The following SLA variants were observed in gnomAD, a reference collection of about 807,000 sequenced individuals.
The protein encoded by SLA is src-like-adapter.
In SLA, 16 loss-of-function variants were observed where a neutral mutation model predicts 30.3. The ratio of observed to expected loss-of-function variants is 0.53; its 90% confidence interval spans 0.36 to 0.80. The LOEUF is 0.80. Ranked by LOEUF, SLA falls within the 30% of genes least tolerant of loss-of-function variation. SLA has a pLI of 0.01. For missense variants in SLA, 310 were observed against 345.2 expected (o/e 0.90, Z 0.81); for synonymous variants, 143 against 137.8 (o/e 1.04, Z -0.26).
intron 2 of SLA, among the ~76,000 whole-genome samples, chr8:133,071,756 T>G (rs117836380): frequency 0.01 from 1,535 of 152,228 alleles, 13 homozygotes; most frequent in Non-Finnish European, 0.016. Flanking sequence ...CTTGGTCCCC[T>G]CTCTTCTCTC....
intron 2 of SLA, 120 bp downstream of exon 2, chr8:133,074,733 G>T: frequency 2.3e-6 from 1 of 440,816 alleles, no homozygotes; most frequent in Non-Finnish European, 3.0e-6. Context: ...TCAAGACATT[G>T]CCCCACCTGT....
intron 6 of SLA, among the ~76,000 whole-genome samples, chr8:133,045,939 A>G (rs950858912): frequency 3.9e-5 from 6 of 152,010 alleles, no homozygotes; most frequent in African/African-American, 1.2e-4. Context: ...TCCTTTGTCT[A>G]TACTCTCTCT....
chr8:133,053,733 C>T (rs1840854236), intron 3 of SLA, among the ~76,000 whole-genome samples: 1 of 152,114 alleles, frequency 6.6e-6, no homozygotes, highest in Admixed American at 6.5e-5. Flanking sequence ...AAAGCAAAAT[C>T]CCATTATAAA....
At chr8:133,068,094 T>C (rs1843375725) in intron 2 of SLA, among the ~76,000 whole-genome samples, 1 of 152,148 alleles carries the variant, frequency 6.6e-6, no homozygotes, top group South Asian at 2.1e-4. Flanking sequence ...TGGGGCATCA[T>C]AAAGCATCAC....
rs531027218 is a variant in SLA at position 133,095,063 on chromosome 8, C to T, written c.-319+7490G>A. On this transcript the variant is annotated intron_variant, in intron 1 of 8. Coordinates refer to ENST00000338087, the MANE Select transcript of SLA (RefSeq NM_001045556.3). ...TTCCAGGGAGGCTCCGCACTCTCCC[C>T]GGCCGCCGTCATCAGCCATGAGAGG... The T allele has an allele frequency of 4.2e-5, 68 of 1,613,848 alleles. No individual in the cohort carries two copies. Among genetic ancestry groups the T allele is most frequent in the Admixed American group, 1.8e-4 (11 of 60,022 alleles).
In SLA at chr8:133,044,967, T is replaced by C. The variant is rs770595621; in HGVS notation, c.484+17A>G. On this transcript the variant is annotated intron_variant, in intron 7 of 8. Coordinates refer to ENST00000338087, the MANE Select transcript of SLA (RefSeq NM_001045556.3). ...GGGTCCCACCATCACAATCACTCCA[T>C]ATTGTATGTCTCTTACCAGAATAGT... The C allele has an allele frequency of 1.9e-6, 3 of 1,613,444 alleles. No individual in the cohort carries two copies. The highest frequency in any genetic ancestry group is 2.5e-6 in the Non-Finnish European group (3 of 1,179,512).
At chr8:133,050,575 A>G in intron 4 of SLA, 1 of 445,962 alleles carries the variant, frequency 2.2e-6, no homozygotes, top group Non-Finnish European at 4.0e-6. Context: ...ATCATAAAGG[A>G]TCTCAAAAGC....
chr8:133,066,698 C>T (rs1277735664), intron 2 of SLA, among the ~76,000 whole-genome samples: 1 of 152,178 alleles, frequency 6.6e-6, no homozygotes, highest in Non-Finnish European at 1.5e-5. Context: ...GGCTGTGTAT[C>T]GCTGGGCAAG....
chr8:133,081,574 C>A (rs1477094823), intron 1 of SLA, among the ~76,000 whole-genome samples: 3 of 147,914 alleles, frequency 2.0e-5, no homozygotes, highest in African/African-American at 5.1e-5. Flanking sequence ...TAAAATTATT[C>A]TCAGGAAGAA....
chr8:133,058,324 C>T (rs1841837213), intron 3 of SLA, among the ~76,000 whole-genome samples: 1 of 152,134 alleles, frequency 6.6e-6, no homozygotes, highest in African/African-American at 2.4e-5. Context: ...GGGGAATTCT[C>T]TTCACCAGGG....
intron 3 of SLA, 40 bp from the exon 4 acceptor site, chr8:133,050,955 T>C: frequency 8.2e-7 from 1 of 1,218,478 alleles, no homozygotes; most frequent in Non-Finnish European, 1.2e-6. Context: ...GCAAGGTGCT[T>C]TTTATTCACA....
chr8:133,065,078 A>G (rs900942103), intron 2 of SLA, among the ~76,000 whole-genome samples: 8 of 152,006 alleles, frequency 5.3e-5, no homozygotes, highest in Non-Finnish European at 7.3e-5. Context: ...GCCCATTCAT[A>G]TAACCTTCTT....
At chr8:133,102,118 A>G (rs1849334168) in intron 1 of SLA, among the ~76,000 whole-genome samples, 2 of 152,362 alleles carry the variant, frequency 1.3e-5, no homozygotes, top group South Asian at 4.1e-4. Flanking sequence ...TTTAATTTTA[A>G]TATTAAGATT....
In SLA at chr8:133,036,777, A is replaced by G. The variant is rs777828708; in HGVS notation, c.*1747T>C. 4 of 152,662 alleles carry G rather than the reference A, an allele frequency of 2.6e-5. No individual in the cohort carries two copies. Among genetic ancestry groups the G allele is most frequent in the African/African-American group, 7.2e-5 (3 of 41,458 alleles). 9.5% of individuals were successfully genotyped at this position (152,662 alleles called of 1,614,324 possible). Reference sequence around the variant, plus strand: ...GTTTGTTTTAATCAGGAATAAATACATGATTTAGCAAAGTGTAATGCTTCC... The same window carrying G: ...GTTTGTTTTAATCAGGAATAAATACGTGATTTAGCAAAGTGTAATGCTTCC... On this transcript the variant is annotated 3_prime_UTR_variant, in exon 9 of 9. Coordinates refer to ENST00000338087, the MANE Select transcript of SLA (RefSeq NM_001045556.3).
At chr8:133,094,652 C>T (rs1370958491) in intron 1 of SLA, 3 of 322,168 alleles carry the variant, frequency 9.3e-6, no homozygotes, top group Non-Finnish European at 1.8e-5. Context: ...AGGAGCCCCC[C>T]AGGAGGTGCT....
chr8:133,058,566 C>G (rs968618423), intron 3 of SLA, among the ~76,000 whole-genome samples: 4 of 152,202 alleles, frequency 2.6e-5, no homozygotes, highest in African/African-American at 9.7e-5. Flanking sequence ...GGTGCCTCCC[C>G]AGCCTGCCTG....
At chr8:133,041,811 C>T (rs938908321) in intron 7 of SLA, among the ~76,000 whole-genome samples, 21 of 127,078 alleles carry the variant, frequency 1.7e-4, no homozygotes, top group African/African-American at 6.1e-4. Flanking sequence ...TTTTTTTAGA[C>T]GGAGTCTTGC....
chr8:133,077,785 G>A (rs1029176153), intron 1 of SLA, among the ~76,000 whole-genome samples: 22 of 152,000 alleles, frequency 1.4e-4, no homozygotes, highest in East Asian at 7.7e-4. Flanking sequence ...GTGTGTGTGC[G>A]GCAGAGTTGC....
rs1837913411 is a variant in SLA, at chr8:133,040,035, A to C, written c.580T>G (p.Leu194Val). ...AVRASSSPVT[L>V]RQKTVDWRRV... ...CTCCAGTCCACAGTCTTCTGACGCA[A>C]GGTGACAGGTGAGCTGGAGGCCCTC... The change falls in exon 8 of 9, where the codon TTG (leucine) becomes GTG (valine). Residue 194 changes from leucine (L) to valine (V), a missense_variant. Coordinates refer to ENST00000338087, the MANE Select transcript of SLA (RefSeq NM_001045556.3). 1 of 1,552,078 alleles carries C rather than the reference A, an allele frequency of 6.4e-7. No individual in the cohort carries two copies. The highest frequency in any genetic ancestry group is 8.7e-7 in the Non-Finnish European group (1 of 1,147,202).
Sources: gnomAD v4.1 joint callset for allele counts (sites outside exome capture counted in the v4.1 genomes callset) on GRCh38, gnomAD v4.1.1 for gene constraint, MANE v1.5 for transcripts, NCBI Gene and HGNC (gene_info 2026-07-23, HGNC 2026-07-21) for gene names.